The following C1QTNF3 variants were observed in gnomAD, a reference collection of about 807,000 sequenced individuals.
C1QTNF3 encodes the protein C1q and TNF related 3, also known as complement C1q tumor necrosis factor-related protein 3.
A neutral mutation model predicts 32.6 loss-of-function variants in C1QTNF3; 26 were observed. The ratio of observed to expected loss-of-function variants is 0.80; its 90% CI spans 0.58 to 1.11. The LOEUF is 1.11. Among genes scored for constraint, C1QTNF3 ranks in the 50% least tolerant of loss-of-function variants. C1QTNF3 has a pLI of 0.00. For missense variants in C1QTNF3, 362 were observed against 398.2 expected, an observed-to-expected ratio of 0.91 and a Z score of 0.77; for synonymous variants, 155 against 146.0, an observed-to-expected ratio of 1.06 and a Z score of -0.44.
At chr5:34,084,968 T>C in the C1QTNF3 span, among the ~76,000 whole-genome samples, 1 of 148,456 alleles carries the variant, frequency 6.7e-6, no homozygotes, top group East Asian at 1.9e-4. Context: ...TTTACAGTTT[T>C]AGGTCTTACG....
At chr5:34,057,093 G>A in the C1QTNF3 span, among the ~76,000 whole-genome samples, 55 of 152,204 alleles carry the variant, frequency 3.6e-4, no homozygotes, top group South Asian at 0.011. Context: ...ATTTCCAACT[G>A]TACATCCATC....
the C1QTNF3 span, among the ~76,000 whole-genome samples, chr5:34,139,869 T>G: frequency 4.6e-5 from 7 of 152,218 alleles, no homozygotes; most frequent in African/African-American, 1.7e-4. Context: ...ACCGTCTTAT[T>G]TCTGGTCAGA....
intron 4 of C1QTNF3, among the ~76,000 whole-genome samples, chr5:34,025,398 A>T (rs913409693): frequency 6.6e-6 from 1 of 152,242 alleles, no homozygotes; most frequent in African/African-American, 2.4e-5. Flanking sequence ...TGTTAGAAAG[A>T]GGAGACTAAA....
chr5:34,216,370 C>T, the C1QTNF3 span, among the ~76,000 whole-genome samples: 4 of 152,232 alleles, frequency 2.6e-5, no homozygotes, highest in Admixed American at 2.6e-4. Flanking sequence ...CAGCAAATTG[C>T]TGGTTGTGTT....
chr5:34,091,923 T>C, the C1QTNF3 span, among the ~76,000 whole-genome samples: 26 of 113,130 alleles, frequency 2.3e-4, 1 homozygote, highest in Middle Eastern at 0.014. Context: ...ACCAAAATCA[T>C]TGTGCTTTAA....
chr5:34,085,381 C>T, the C1QTNF3 span, among the ~76,000 whole-genome samples: 1 of 150,670 alleles, frequency 6.6e-6, no homozygotes, highest in African/African-American at 2.5e-5. Flanking sequence ...TATTGTTATC[C>T]AGTTTTCCCA....
At chr5:34,042,675 CAGAA>C in intron 1 of C1QTNF3, 144 bp downstream of exon 1, 1 of 767,110 alleles carries the variant, frequency 1.3e-6, no homozygotes, top group Non-Finnish European at 2.1e-6. Flanking sequence ...AAGAGCAATC[CAGAA>C]AGAGATTCAC....
the C1QTNF3 span, among the ~76,000 whole-genome samples, chr5:34,212,848 A>G: frequency 0.27 from 38,761 of 141,130 alleles, 5,347 homozygotes; most frequent in East Asian, 0.52. Context: ...TCAGTGTGGC[A>G]ATTCCTCAGG....
chr5:34,213,718 G>GTA, the C1QTNF3 span, among the ~76,000 whole-genome samples: 3 of 116,362 alleles, frequency 2.6e-5, no homozygotes, highest in Admixed American at 9.5e-5. Context: ...GTATATATAT[G>GTA]TATATATATA....
intron 3 of C1QTNF3, among the ~76,000 whole-genome samples, chr5:34,031,135 A>AT (rs1754603010): frequency 6.6e-6 from 1 of 152,226 alleles, no homozygotes; most frequent in African/African-American, 2.4e-5. Context: ...TAAAACCACC[A>AT]TTGAAGAATG....
the C1QTNF3 span, among the ~76,000 whole-genome samples, chr5:34,129,549 T>A: frequency 6.6e-6 from 1 of 152,120 alleles, no homozygotes; most frequent in South Asian, 2.1e-4. Context: ...ATTGGATGCA[T>A]ATATTAAAGC....
chr5:34,091,925 G>A, the C1QTNF3 span, among the ~76,000 whole-genome samples: 3 of 109,554 alleles, frequency 2.7e-5, no homozygotes, highest in African/African-American at 7.8e-5. Context: ...CAAAATCATT[G>A]TGCTTTAAAA....
chr5:34,087,474 T>A, the C1QTNF3 span, among the ~76,000 whole-genome samples: 1 of 151,836 alleles, frequency 6.6e-6, no homozygotes, highest in African/African-American at 2.4e-5. Flanking sequence ...TGGGCTCTTT[T>A]AAAAAAACAC....
the C1QTNF3 span, among the ~76,000 whole-genome samples, chr5:34,155,937 C>T: frequency 2.0e-5 from 3 of 152,010 alleles, no homozygotes; most frequent in Non-Finnish European, 2.9e-5. Context: ...TTACTTTTTG[C>T]TTTTTGATAT....
At chr5:34,237,854 G>T in the C1QTNF3 span, among the ~76,000 whole-genome samples, 1 of 152,074 alleles carries the variant, frequency 6.6e-6, no homozygotes, top group East Asian at 1.9e-4. Flanking sequence ...ACTCCCCCAG[G>T]GCCCAGGAGC....
At chr5:34,084,787 T>TG in the C1QTNF3 span, among the ~76,000 whole-genome samples, 440 of 99,406 alleles carry the variant, frequency 4.4e-3, 4 homozygotes, top group South Asian at 0.013. Flanking sequence ...CTGGTTTTTC[T>TG]GGTTTTTTTT....
chr5:34,197,103 T>C, the C1QTNF3 span, among the ~76,000 whole-genome samples: 4,627 of 114,626 alleles, frequency 0.04, no homozygotes, highest in African/African-American at 0.073. Context: ...ATAATATAGA[T>C]GAAAAATGAA....
chr5:34,018,781 T>C lies in C1QTNF3; in HGVS notation c.*1802A>G, dbSNP rs1217336513. On this transcript the variant is annotated 3_prime_UTR_variant, in exon 6 of 6. Transcript: ENST00000382065. ...TGAAACAGTTCTACACCATATTACA[T>C]CCCTGAAGCAAGCAGAAACTCAAGT... 1.3e-5 allele frequency among the ~76,000 whole-genome samples: 2 copies of C among 152,142 alleles called. No homozygotes were observed. The highest frequency in any genetic ancestry group is 2.4e-5 in the African/African-American group (1 of 41,430).
At chr5:34,124,622 A>G in the C1QTNF3 span, 1 of 500,626 alleles carries the variant, frequency 2.0e-6, no homozygotes, top group Non-Finnish European at 3.7e-6. Flanking sequence ...CCATGATCCA[A>G]TCACCTCCCA....
Sources: gnomAD v4.1 joint callset for allele counts (sites outside exome capture counted in the v4.1 genomes callset) on GRCh38, gnomAD v4.1.1 for gene constraint, MANE v1.5 for transcripts, NCBI Gene and HGNC (gene_info 2026-07-23, HGNC 2026-07-21) for gene names.